Variants in ZFPM2 observed in about 807,000 individuals in gnomAD.
The protein encoded by ZFPM2 is zinc finger protein ZFPM2.
ZFPM2 carries 20 observed loss-of-function variants against 98.6 expected under a neutral mutation model. The ratio of observed to expected loss-of-function variants is 0.20; its 90% confidence interval spans 0.14 to 0.29. The LOEUF (loss-of-function observed/expected upper bound fraction) is 0.29, where lower values mean the gene tolerates loss of function less well. Among genes scored for constraint, ZFPM2 ranks in the 10% least tolerant of loss-of-function variants. The pLI, the probability that ZFPM2 is intolerant of heterozygous loss-of-function variation, is 1.00. For missense variants in ZFPM2, 1,310 were observed against 1,388.6 expected (o/e 0.94, Z 0.90); for synonymous variants, 518 against 502.7 (o/e 1.03, Z -0.41).
At chr8:105,422,436 G>A (rs958583611) in intron 2 of ZFPM2, among the ~76,000 whole-genome samples, 12 of 138,642 alleles carry the variant, frequency 8.7e-5, no homozygotes, top group East Asian at 4.9e-4. Context: ...GCAAGACTCC[G>A]TCTCAAAAAG....
chr8:105,329,944 T>G (rs569485739), intron 1 of ZFPM2, among the ~76,000 whole-genome samples: 1 of 151,884 alleles, frequency 6.6e-6, no homozygotes, highest in African/African-American at 2.4e-5. Context: ...TCAAATCACC[T>G]TTAAAAAAAT....
At chr8:105,376,206 T>G (rs780436378) in intron 1 of ZFPM2, among the ~76,000 whole-genome samples, 21 of 152,166 alleles carry the variant, frequency 1.4e-4, no homozygotes, top group South Asian at 2.1e-4. Flanking sequence ...CCCTCCTTCT[T>G]GAAGCACGTT....
At chr8:105,730,165 T>A (rs1187906334) in intron 5 of ZFPM2, among the ~76,000 whole-genome samples, 1 of 151,670 alleles carries the variant, frequency 6.6e-6, no homozygotes, top group Non-Finnish European at 1.5e-5. Context: ...AGTGGTTAGG[T>A]TACTGAGTTC....
intron 6 of ZFPM2, among the ~76,000 whole-genome samples, chr8:105,792,515 T>G (rs541855828): frequency 1.5e-4 from 23 of 152,352 alleles, no homozygotes; most frequent in Admixed American, 1.0e-3. Flanking sequence ...TCCAACTGTG[T>G]AGTCAATTTT....
chr8:105,794,581 A>T (rs201019725), intron 6 of ZFPM2, among the ~76,000 whole-genome samples: 3 of 152,202 alleles, frequency 2.0e-5, no homozygotes, highest in Non-Finnish European at 4.4e-5. Flanking sequence ...CTCCAGCTGC[A>T]TGCTGGGAGA....
At chr8:105,366,497 TA>T (rs66618516) in intron 1 of ZFPM2, among the ~76,000 whole-genome samples, 120,156 of 149,118 alleles carry the variant, frequency 0.81, 48,145 homozygotes, top group East Asian at 0.97. Context: ...TTCTTTTTTT[TA>T]ATTTTTTTCA....
At chr8:105,685,658 C>T (rs1157641170) in intron 5 of ZFPM2, 14 of 151,770 alleles carry the variant, frequency 9.2e-5, no homozygotes, top group African/African-American at 2.2e-4. Context: ...GTCTTGAATC[C>T]GAGTGGAAAA....
chr8:105,758,744 T>G (rs1198300606), intron 5 of ZFPM2, among the ~76,000 whole-genome samples: 1 of 152,026 alleles, frequency 6.6e-6, no homozygotes, highest in Non-Finnish European at 1.5e-5. Flanking sequence ...CCACCAAATA[T>G]AAGAGTGTTA....
At chr8:105,342,886 T>C (rs1244797966) in intron 1 of ZFPM2, among the ~76,000 whole-genome samples, 1 of 152,056 alleles carries the variant, frequency 6.6e-6, no homozygotes, top group Non-Finnish European at 1.5e-5. Context: ...CCAATGCCTG[T>C]CATACTAAAC....
chr8:105,699,504 G>C (rs1169591883), intron 5 of ZFPM2, among the ~76,000 whole-genome samples: 1 of 152,040 alleles, frequency 6.6e-6, no homozygotes, highest in African/African-American at 2.4e-5. Flanking sequence ...GTATTGTTTT[G>C]AAAGGAATTT....
At chr8:105,411,972 G>A (rs2130040817) in intron 1 of ZFPM2, among the ~76,000 whole-genome samples, 1 of 151,846 alleles carries the variant, frequency 6.6e-6, no homozygotes, top group South Asian at 2.1e-4. Flanking sequence ...CATGTTCTAA[G>A]AAAAATTGTT....
chr8:105,407,525 C>A (rs562414895), intron 1 of ZFPM2, among the ~76,000 whole-genome samples: 42 of 151,962 alleles, frequency 2.8e-4, no homozygotes, highest in African/African-American at 1.0e-3. Flanking sequence ...TTAAGAGCAA[C>A]ATGAATTAAA....
rs1435494673 is a variant in ZFPM2, at chr8:105,609,239, GAGGAGCATGGAGGCAAGCC to G, written c.421-24993_421-24975del. Among the ~76,000 whole-genome samples, 11 of 152,058 alleles carry G rather than the reference GAGGAGCATGGAGGCAAGCC, an allele frequency of 7.2e-5. No homozygotes were observed. The East Asian group carries it at 1.4e-3, about 19-fold the overall frequency. ...GAAGGGATGGGTTCAAACTGGTAGA[GAGGAGCATGGAGGCAAGCC>G]AGGAGCATGGAGGGAAGCCAGGATG... On this transcript the variant is annotated intron_variant, in intron 4 of 7. Transcript: ENST00000407775.
chr8:105,795,246 T>TCGTGTGTGTGTGTGTG (rs1554582313), intron 6 of ZFPM2, among the ~76,000 whole-genome samples: 3 of 138,228 alleles, frequency 2.2e-5, no homozygotes, highest in Admixed American at 2.2e-4. Context: ...CATTTTATCT[T>TCGTGTGTGTGTGTGTG]TGTGTGTGTG....
At chr8:105,541,055 G>A (rs925154628) in intron 3 of ZFPM2, among the ~76,000 whole-genome samples, 20 of 151,980 alleles carry the variant, frequency 1.3e-4, no homozygotes, top group Non-Finnish European at 2.1e-4. Context: ...TTTCTTTTCC[G>A]TAGTTAAAGC....
chr8:105,728,142 A>G (rs1362067518), intron 5 of ZFPM2, among the ~76,000 whole-genome samples: 3 of 151,682 alleles, frequency 2.0e-5, no homozygotes, highest in Admixed American at 6.6e-5. Context: ...TAGTACTCAC[A>G]TTAGAGAAGG....
chr8:105,475,429 G>T (rs887301479), intron 3 of ZFPM2, among the ~76,000 whole-genome samples: 1 of 152,168 alleles, frequency 6.6e-6, no homozygotes, highest in Non-Finnish European at 1.5e-5. Context: ...TAAACAGCTT[G>T]AATGTACAAG....
chr8:105,428,729 A>G (rs974082421), intron 2 of ZFPM2, among the ~76,000 whole-genome samples: 1 of 152,240 alleles, frequency 6.6e-6, no homozygotes, highest in African/African-American at 2.4e-5. Context: ...AAACGAAGAA[A>G]GGAAGGAAGG....
At chr8:105,623,780 A>T (rs1816601103) in intron 4 of ZFPM2, among the ~76,000 whole-genome samples, 2 of 152,162 alleles carry the variant, frequency 1.3e-5, no homozygotes, top group South Asian at 4.1e-4. Flanking sequence ...CAGGGCATTC[A>T]CAGTTGAGTT....
Sources: gnomAD v4.1 joint callset for allele counts (sites outside exome capture counted in the v4.1 genomes callset) on GRCh38, gnomAD v4.1.1 for gene constraint, MANE v1.5 for transcripts, NCBI Gene and HGNC (gene_info 2026-07-23, HGNC 2026-07-21) for gene names.